The following CTDSPL2 variants were observed in gnomAD, a reference collection of about 807,000 sequenced individuals.
CTDSPL2 encodes the protein CTD small phosphatase-like protein 2.
CTDSPL2 carries 5 observed loss-of-function variants against 60.0 expected under a neutral mutation model. The ratio of observed to expected loss-of-function variants is 0.08; its 90% confidence interval spans 0.04 to 0.18. CTDSPL2 has a LOEUF of 0.18. CTDSPL2 is among the 10% of genes least tolerant of loss of function. The pLI is 1.00. For missense variants in CTDSPL2, 370 were observed against 548.8 expected (o/e 0.67, Z 3.26); for synonymous variants, 186 against 189.3 (o/e 0.98, Z 0.14).
intron 8 of CTDSPL2, among the ~76,000 whole-genome samples, chr15:44,504,335 G>A (rs2081424410): frequency 6.6e-6 from 1 of 152,148 alleles, no homozygotes. Flanking sequence ...GGGCGACAAA[G>A]CGAGTCTCCA....
intron 8 of CTDSPL2, chr15:44,502,066 T>C: frequency 2.2e-6 from 1 of 445,822 alleles, no homozygotes; most frequent in Non-Finnish European, 4.5e-6. Context: ...GTAACTTAAA[T>C]CTTTAACCAC....
intron 2 of CTDSPL2, among the ~76,000 whole-genome samples, chr15:44,479,564 T>C (rs1595741380): frequency 6.6e-6 from 1 of 151,930 alleles, no homozygotes; most frequent in South Asian, 2.1e-4. Flanking sequence ...CATGCCACCA[T>C]GATTGGCTAA....
At position 44,524,224 on chromosome 15, in the gene CTDSPL2, T is replaced by C; in HGVS notation, c.*50T>C. On this transcript the variant is annotated 3_prime_UTR_variant, in exon 13 of 13. Coordinates refer to ENST00000260327, the MANE Select transcript of CTDSPL2 (RefSeq NM_016396.3). ...AAGGGGGAGAGAATGCAGGACCCTT[T>C]TGGACTAAGACAAAAACATTGCCAT... The C allele has an allele frequency of 1.4e-6, 2 of 1,478,378 alleles. No individual in the cohort carries two copies. The highest frequency in any genetic ancestry group is 2.3e-5 in the East Asian group (1 of 44,268). The allele number at this position is 1,478,378 out of a possible 1,614,324, so 91.6% of individuals were successfully genotyped here.
intron 5 of CTDSPL2, among the ~76,000 whole-genome samples, chr15:44,492,127 C>T (rs1338824833): frequency 2.0e-5 from 3 of 151,954 alleles, no homozygotes; most frequent in East Asian, 3.9e-4. Context: ...CCTCGGCCTC[C>T]GAAAGTGCTG....
chr15:44,488,166 C>T (rs1376333043), intron 4 of CTDSPL2, among the ~76,000 whole-genome samples: 3 of 150,838 alleles, frequency 2.0e-5, no homozygotes, highest in South Asian at 2.1e-4. Flanking sequence ...ATAGGCAGAG[C>T]GGCCTGAAAG....
chr15:44,477,927 A>T (rs191522750), intron 2 of CTDSPL2, among the ~76,000 whole-genome samples: 77 of 152,172 alleles, frequency 5.1e-4, no homozygotes, highest in Non-Finnish European at 1.0e-3. Flanking sequence ...TTAGGATTTT[A>T]TCTGGTACTA....
intron 8 of CTDSPL2, among the ~76,000 whole-genome samples, chr15:44,503,136 C>T (rs900650681): frequency 2.0e-5 from 3 of 151,838 alleles, no homozygotes; most frequent in African/African-American, 7.3e-5. Context: ...TTGAAAGAAC[C>T]GACTTGTTAA....
intron 1 of CTDSPL2, among the ~76,000 whole-genome samples, chr15:44,441,825 G>A (rs2141281271): frequency 6.6e-6 from 1 of 152,250 alleles, no homozygotes; most frequent in East Asian, 1.9e-4. Context: ...TAATTTAGAA[G>A]AATGAATCTC....
chr15:44,486,748 C>T, intron 4 of CTDSPL2, 48 bp downstream of exon 4: 5 of 1,154,648 alleles, frequency 4.3e-6, no homozygotes, highest in Admixed American at 2.8e-5. Flanking sequence ...TAAAAAAATG[C>T]ATAGTTTGGG....
intron 2 of CTDSPL2, among the ~76,000 whole-genome samples, chr15:44,462,211 G>A (rs1000461543): frequency 3.3e-5 from 5 of 152,184 alleles, no homozygotes; most frequent in African/African-American, 9.7e-5. Flanking sequence ...CTCAAAGTGT[G>A]AGCCACTGAG....
intron 2 of CTDSPL2, among the ~76,000 whole-genome samples, chr15:44,479,407 CTTTTTTT>C (rs11414036): frequency 7.2e-5 from 7 of 97,890 alleles, no homozygotes; most frequent in East Asian, 3.3e-4. Context: ...ATTTTCTTTC[CTTTTTTT>C]TTTTTTTTTT....
At chr15:44,484,165 G>A in intron 2 of CTDSPL2, 59 bp from the exon 3 acceptor site, 1 of 1,441,506 alleles carries the variant, frequency 6.9e-7, no homozygotes, top group East Asian at 2.3e-5. Flanking sequence ...TTTTAATATT[G>A]TAACCTGTAA....
intron 1 of CTDSPL2, among the ~76,000 whole-genome samples, chr15:44,432,987 T>C (rs1381862074): frequency 6.6e-6 from 1 of 151,902 alleles, no homozygotes; most frequent in African/African-American, 2.4e-5. Context: ...CAACATGGGA[T>C]TCTAGCATGG....
intron 1 of CTDSPL2, among the ~76,000 whole-genome samples, chr15:44,441,096 C>T (rs149898032): frequency 2.0e-5 from 3 of 152,094 alleles, no homozygotes; most frequent in Admixed American, 6.6e-5. Flanking sequence ...TTATCTTTGT[C>T]GGTGTTATCT....
chr15:44,438,125 G>A (rs569877094), intron 1 of CTDSPL2, among the ~76,000 whole-genome samples: 17 of 152,278 alleles, frequency 1.1e-4, no homozygotes, highest in African/African-American at 2.9e-4. Context: ...TTAGCCAGGC[G>A]TGGTGGTGGG....
chr15:44,472,625 G>A (rs2080834185), intron 2 of CTDSPL2, among the ~76,000 whole-genome samples: 1 of 151,488 alleles, frequency 6.6e-6, no homozygotes, highest in African/African-American at 2.4e-5. Context: ...AGCCTCCTGA[G>A]GAGCTGAGAC....
At chr15:44,472,782 GC>G (rs1472807630) in intron 2 of CTDSPL2, among the ~76,000 whole-genome samples, 2 of 152,146 alleles carry the variant, frequency 1.3e-5, no homozygotes, top group Non-Finnish European at 2.9e-5. Flanking sequence ...CCCTGCCTCA[GC>G]CCCCTGAGTA....
intron 5 of CTDSPL2, among the ~76,000 whole-genome samples, chr15:44,495,912 G>A (rs2081291455): frequency 6.6e-6 from 1 of 151,564 alleles, no homozygotes; most frequent in Non-Finnish European, 1.5e-5. Context: ...TAGCCTGGGC[G>A]ACAGATCGAG....
In CTDSPL2 at chr15:44,524,242, A is replaced by G; in HGVS notation, c.*68A>G. 1 of 1,330,276 alleles carries G rather than the reference A, an allele frequency of 7.5e-7. No homozygotes were observed. The allele number at this position is 1,330,276 out of a possible 1,614,324, so 82.4% of individuals were successfully genotyped here. ...GACCCTTTTGGACTAAGACAAAAAC[A>G]TTGCCATTACTGTTGAAATTTTGCA... On this transcript the variant is annotated 3_prime_UTR_variant, in exon 13 of 13. Transcript: ENST00000260327.
Sources: allele counts gnomAD v4.1 joint callset (sites outside exome capture counted in the v4.1 genomes callset), GRCh38; gene constraint gnomAD v4.1.1; transcripts MANE v1.5; gene names NCBI Gene and HGNC (gene_info 2026-07-23, HGNC 2026-07-21).